Variants in GABRB2 observed in about 807,000 individuals in gnomAD.
GABRB2 encodes the protein gamma-aminobutyric acid receptor subunit beta-2.
A neutral mutation model predicts 54.7 loss-of-function variants in GABRB2; 16 were observed. That is an observed-to-expected ratio of 0.29 (90% CI 0.20 to 0.44). The LOEUF (loss-of-function observed/expected upper bound fraction) is 0.44, where lower values mean the gene tolerates loss of function less well. GABRB2 is among the 20% of genes least tolerant of loss of function. The probability of loss-of-function intolerance (pLI) is 1.00; values close to 1 mark genes in which losing one functional copy is unlikely to be tolerated. For missense variants in GABRB2, 355 were observed against 644.0 expected, an observed-to-expected ratio of 0.55 and a Z score of 4.86; for synonymous variants, 244 against 233.8, an observed-to-expected ratio of 1.04 and a Z score of -0.40.
intron 5 of GABRB2, among the ~76,000 whole-genome samples, chr5:161,374,393 G>A (rs571987138): frequency 2.0e-5 from 3 of 152,088 alleles, no homozygotes; most frequent in South Asian, 4.1e-4. Flanking sequence ...GTCCCTACTT[G>A]TAAATGAAAC....
chr5:161,479,695 T>C (rs1031574610), intron 3 of GABRB2, among the ~76,000 whole-genome samples: 1 of 150,272 alleles, frequency 6.7e-6, no homozygotes, highest in African/African-American at 2.4e-5. Context: ...TTTCAAGCAA[T>C]TCTCCTGCTT....
chr5:161,368,982 T>A (rs1353446225), intron 5 of GABRB2, among the ~76,000 whole-genome samples: 3 of 152,206 alleles, frequency 2.0e-5, no homozygotes, highest in Non-Finnish European at 4.4e-5. Context: ...TATGACAGAA[T>A]CAGTTTTATT....
At chr5:161,347,932 A>G (rs558811383) in intron 5 of GABRB2, among the ~76,000 whole-genome samples, 99 of 152,172 alleles carry the variant, frequency 6.5e-4, no homozygotes, top group African/African-American at 2.3e-3. Flanking sequence ...GACATTGCTA[A>G]AGGGAATTTC....
chr5:161,344,810 G>A (rs1315429725), intron 5 of GABRB2, among the ~76,000 whole-genome samples: 2 of 152,072 alleles, frequency 1.3e-5, no homozygotes, highest in African/African-American at 2.4e-5. Flanking sequence ...CCAATCAATG[G>A]ATAGACTGGA....
chr5:161,547,534 A>G (rs1761025245), upstream of GABRB2, among the ~76,000 whole-genome samples: 1 of 150,648 alleles, frequency 6.6e-6, no homozygotes, highest in Non-Finnish European at 1.5e-5. Context: ...TCGCCGTGTG[A>G]CGTTCCTGAC....
rs542399198 is a variant in GABRB2, at chr5:161,507,122, G to T, written c.237+38105C>A. On this transcript the variant is annotated intron_variant, in intron 3 of 9. Transcript: ENST00000393959. ...TCTGAAAATACCTAAGTGGAACTCT[G>T]AAAAATTGTCATGAAAGACAAGGGA... is the stretch of plus-strand genomic sequence containing the variant. 1.3e-4 allele frequency among the ~76,000 whole-genome samples: 20 copies of T among 152,056 alleles called. No homozygotes were observed. In the South Asian group the frequency reaches 4.1e-3, roughly 32 times the overall value.
At chr5:161,320,484 G>T (rs1163237260) in intron 9 of GABRB2, among the ~76,000 whole-genome samples, 3 of 151,520 alleles carry the variant, frequency 2.0e-5, no homozygotes, top group Non-Finnish European at 4.4e-5. Context: ...TTATTTGGAT[G>T]CTCTTTTGAT....
chr5:161,411,653 C>T (rs1248575587), intron 4 of GABRB2, among the ~76,000 whole-genome samples: 1 of 152,082 alleles, frequency 6.6e-6, no homozygotes, highest in East Asian at 1.9e-4. Flanking sequence ...CAATATACTC[C>T]TATGGGATGG....
intron 5 of GABRB2, among the ~76,000 whole-genome samples, chr5:161,378,668 C>T (rs1755378497): frequency 6.6e-6 from 1 of 152,128 alleles, no homozygotes; most frequent in South Asian, 2.1e-4. Context: ...ATTCCCCTAA[C>T]CTATTCCTAT....
chr5:161,528,469 A>G (rs1760352207), intron 3 of GABRB2, among the ~76,000 whole-genome samples: 1 of 151,852 alleles, frequency 6.6e-6, no homozygotes, highest in Non-Finnish European at 1.5e-5. Context: ...TAATTTTCAT[A>G]ATTTCTAAAT....
At chr5:161,329,473 T>C (rs1753767811) in intron 8 of GABRB2, 1 of 152,168 alleles carries the variant, frequency 6.6e-6, no homozygotes, top group African/African-American at 2.4e-5. Flanking sequence ...TTGTTGCAAA[T>C]ATCATCTTCT....
chr5:161,391,641 T>C (rs887020346), intron 5 of GABRB2, among the ~76,000 whole-genome samples: 2 of 151,914 alleles, frequency 1.3e-5, no homozygotes, highest in African/African-American at 4.8e-5. Context: ...AGAGAGAAAA[T>C]GGGGACAACA....
At chr5:161,398,704 G>A (rs1756082979) in intron 5 of GABRB2, among the ~76,000 whole-genome samples, 1 of 149,726 alleles carries the variant, frequency 6.7e-6, no homozygotes, top group Non-Finnish European at 1.5e-5. Context: ...GTTTTGTTTT[G>A]TTTTGAGACA....
chr5:161,318,100 T>C (rs1758097970), intron 9 of GABRB2, among the ~76,000 whole-genome samples: 1 of 151,928 alleles, frequency 6.6e-6, no homozygotes, highest in Non-Finnish European at 1.5e-5. Context: ...TTTTGACTAT[T>C]ATGTAAATGA....
intron 4 of GABRB2, among the ~76,000 whole-genome samples, chr5:161,445,789 A>G (rs970172357): frequency 6.6e-6 from 1 of 152,134 alleles, no homozygotes; most frequent in Non-Finnish European, 1.5e-5. Context: ...GGGCCAAACC[A>G]ATGTCCATCT....
chr5:161,461,050 G>T (rs553046529), intron 3 of GABRB2, among the ~76,000 whole-genome samples: 1 of 152,258 alleles, frequency 6.6e-6, no homozygotes, highest in South Asian at 2.1e-4. Context: ...CATAGGGAGA[G>T]TAGAAACACA....
intron 3 of GABRB2, among the ~76,000 whole-genome samples, chr5:161,464,849 T>C (rs1042370054): frequency 6.6e-6 from 1 of 152,006 alleles, no homozygotes; most frequent in African/African-American, 2.4e-5. Flanking sequence ...GGTGAAACTA[T>C]AGAGATGAAG....
At chr5:161,470,123 C>T (rs923323556) in intron 3 of GABRB2, among the ~76,000 whole-genome samples, 14 of 151,508 alleles carry the variant, frequency 9.2e-5, no homozygotes, top group African/African-American at 1.7e-4. Context: ...TCTATCCAAA[C>T]CCTGCCTATC....
At chr5:161,332,165 C>CAAAAAAAA (rs5872708) in intron 7 of GABRB2, among the ~76,000 whole-genome samples, 4 of 69,442 alleles carry the variant, frequency 5.8e-5, no homozygotes, top group Admixed American at 3.5e-4. Context: ...GACTCCGTCT[C>CAAAAAAAA]AAAAAAAAAA....
Sources: gnomAD v4.1 joint callset for allele counts (sites outside exome capture counted in the v4.1 genomes callset) on GRCh38, gnomAD v4.1.1 for gene constraint, MANE v1.5 for transcripts, NCBI Gene and HGNC (gene_info 2026-07-23, HGNC 2026-07-21) for gene names.